Variants in CIITA observed in about 807,000 individuals in gnomAD.
The protein encoded by CIITA is class II major histocompatibility complex transactivator.
CIITA carries 72 observed loss-of-function variants against 115.1 expected under a neutral mutation model. The observed-to-expected ratio is 0.63, with a 90% confidence interval of 0.52 to 0.76. The LOEUF (loss-of-function observed/expected upper bound fraction) is 0.76. Among genes scored for constraint, CIITA ranks in the 30% least tolerant of loss-of-function variants. The pLI is 0.00. For synonymous variants in CIITA, 763 were observed against 635.6 expected (o/e 1.20, Z -3.02); for missense variants, 1,617 against 1,463.8 (o/e 1.10, Z -1.71).
chr16:10,940,023 CT>C (rs1374844591), downstream of CIITA: 6 of 152,274 alleles, frequency 3.9e-5, no homozygotes, highest in East Asian at 5.8e-4. This position sits in a 1 kb window ranked among gnomAD's most constrained non-coding sequence, Gnocchi z 4.2. Flanking sequence ...CACACTCCCC[CT>C]GGCACTTGGT....
At position 10,904,816 on chromosome 16, in the gene CIITA, A is replaced by T; in HGVS notation, c.1006+4A>T. The T allele has an allele frequency of 6.2e-7, 1 of 1,614,130 alleles. No individual in the cohort carries two copies. Among genetic ancestry groups the T allele is most frequent in the Non-Finnish European group, 8.5e-7 (1 of 1,179,964 alleles). On this transcript the variant is annotated splice_donor_region_variant and intron_variant, in intron 10 of 19. Transcript: ENST00000324288. ...AACAAGCTTCCAAAATGGCCTGGTGAGTGATGCGGGATCTCTCTGCCCTGG... is the reference window on the plus strand; with the variant it reads ...AACAAGCTTCCAAAATGGCCTGGTGTGTGATGCGGGATCTCTCTGCCCTGG...
rs45526038 is a variant in CIITA at position 10,924,012 on chromosome 16, C to T, written c.*157C>T. 5.5e-3 allele frequency: 842 copies of T among 153,018 alleles called. 5 individuals carry two copies. The highest frequency in any genetic ancestry group is 8.4e-3 in the Non-Finnish European group (572 of 68,300). The allele number at this position is 153,018 out of a possible 1,614,324, so 9.5% of individuals were successfully genotyped here. A position where few individuals can be genotyped will look rare whatever the true frequency, so the allele number is the denominator to read the frequency against. Reference sequence around the variant, plus strand: ...TGCTGGTTCAGGGTTGGCCCCTGCCCGGCTGCGGAATGAACCACATCTTGC... The same window carrying T: ...TGCTGGTTCAGGGTTGGCCCCTGCCTGGCTGCGGAATGAACCACATCTTGC... On this transcript the variant is annotated 3_prime_UTR_variant, in exon 20 of 20. Transcript: ENST00000324288.
At position 10,903,772 on chromosome 16, in the gene CIITA, TTCACTGTCCACGGC is replaced by T; in HGVS notation, c.815_828del (p.Phe272SerfsTer20). ...CAGCCAAGTACCCCCTCCCAGTGGA[TTCACTGTCCACGGC>T]CTCCCAACATCTCCAGACCGGCCAG... is the stretch of plus-strand genomic sequence containing the variant. On this transcript the variant is annotated frameshift_variant, in exon 9 of 20. Transcript: ENST00000324288. LOFTEE classifies it high-confidence loss of function. The T allele has an allele frequency of 6.2e-7, 1 of 1,614,118 alleles. No homozygotes were observed. The highest frequency in any genetic ancestry group is 8.5e-7 in the Non-Finnish European group (1 of 1,180,034).
intron 11 of CIITA, chr16:10,908,382 C>T: frequency 1.5e-6 from 1 of 666,226 alleles, no homozygotes; most frequent in African/African-American, 1.8e-5. Flanking sequence ...TGAAGGCCCG[C>T]CATGTGCCAG....
At chr16:10,922,598 C>A in intron 18 of CIITA, 108 bp downstream of exon 18, 1 of 1,095,168 alleles carries the variant, frequency 9.1e-7, no homozygotes, top group Non-Finnish European at 1.4e-6. Context: ...AATCTGCAAC[C>A]CTGGGTGAGC....
chr16:10,917,379 GC>G (rs776942349), intron 15 of CIITA, among the ~76,000 whole-genome samples: 5 of 152,084 alleles, frequency 3.3e-5, no homozygotes, highest in Admixed American at 2.6e-4. Flanking sequence ...TCACCACGTT[GC>G]CCAGGCTGGT....
rs1192612718 is a variant in CIITA, at chr16:10,923,269, T to A, written c.3359T>A (p.Leu1120Gln). The A allele has an allele frequency of 6.2e-7, 1 of 1,612,182 alleles. No homozygotes were observed. Residue 1120 changes from leucine (L) to glutamine (Q), a missense_variant, in exon 19 of 20, where the codon CTG (leucine) becomes CAG (glutamine). Transcript: ENST00000324288. The surrounding 1 kb of genome is among the most constrained non-coding windows in gnomAD (Gnocchi z 5.2). ...PTIPFSVQEH[L>Q]QQQDSRISLR ...ATCCCATTCAGTGTCCAGGAACACC[T>A]GCAACAACAGGATTCACGGATCAGC...
chr16:10,907,593 G>A lies in CIITA; in HGVS notation c.2101G>A (p.Ala701Thr). 6.2e-7 allele frequency: 1 copy of A among 1,614,234 alleles called. No homozygotes were observed. Among genetic ancestry groups the A allele is most frequent in the Non-Finnish European group, 8.5e-7 (1 of 1,180,034 alleles). Residue 701 changes from alanine to threonine, a missense_variant, in exon 11 of 20, where the codon GCC becomes ACC. Ala to Thr is a moderately conservative substitution (Grantham distance 58, BLOSUM62 0). Coordinates refer to ENST00000324288, the MANE Select transcript of CIITA (RefSeq NM_000246.4). This position sits in a 1 kb window ranked among gnomAD's most constrained non-coding sequence, Gnocchi z 5.0. ...AKGLVQHPPR[A>T]AESELAFPSF... ...AGGCTTAGTCCAACACCCACCGCGG[G>A]CCGCAGAGTCCGAGCTGGCCTTCCC...
chr16:10,870,696 G>A (rs924814950), intron 1 of CIITA, among the ~76,000 whole-genome samples: 1 of 152,182 alleles, frequency 6.6e-6, no homozygotes, highest in African/African-American at 2.4e-5. Flanking sequence ...TAGACCACTC[G>A]GAATCTCAGT....
At chr16:10,900,246 C>G (rs1056584785) in intron 5 of CIITA, among the ~76,000 whole-genome samples, 1 of 152,180 alleles carries the variant, frequency 6.6e-6, no homozygotes, top group Admixed American at 6.6e-5. Flanking sequence ...ATTTTCCATG[C>G]AAATGACCAC....
At chr16:10,895,155 G>C in intron 1 of CIITA, 127 bp from the exon 2 acceptor site, 1 of 1,076,980 alleles carries the variant, frequency 9.3e-7, no homozygotes, top group Middle Eastern at 2.9e-4. Flanking sequence ...TATAAGAGGT[G>C]CTGAATGAGC....
In CIITA at chr16:10,942,332, A is replaced by G; in HGVS notation, n.1458A>G. On this transcript the variant is annotated non_coding_transcript_exon_variant, in exon 2 of 2. Transcript: ENST00000573379. The surrounding 1 kb of genome is among the most constrained non-coding windows in gnomAD (Gnocchi z 5.0). ...GCCTCGCAGAGCCGGTGGGGATCCC[A>G]CCGCGGCTCAGTGTCTAGGGCCGGT... 1 of 250,594 alleles carries G rather than the reference A, an allele frequency of 4.0e-6. No individual in the cohort carries two copies. The highest frequency in any genetic ancestry group is 7.7e-6 in the Non-Finnish European group (1 of 129,162). 15.5% of individuals were successfully genotyped at this position (250,594 alleles called of 1,614,324 possible). A position where few individuals can be genotyped will look rare whatever the true frequency, so the allele number is the denominator to read the frequency against.
At chr16:10,913,433 G>A in intron 13 of CIITA, 1 of 165,140 alleles carries the variant, frequency 6.1e-6, no homozygotes, top group Non-Finnish European at 1.3e-5. Flanking sequence ...TCTTGCCTCA[G>A]CCTCCCGAGT....
chr16:10,868,939 G>T (rs1384331837), intron 1 of CIITA, among the ~76,000 whole-genome samples: 2 of 152,250 alleles, frequency 1.3e-5, no homozygotes, highest in African/African-American at 4.8e-5. Flanking sequence ...CTCCAGGGCT[G>T]CCAGGCTTGA....
chr16:10,904,836 C>T, intron 10 of CIITA, 24 bp downstream of exon 10: 1 of 1,613,294 alleles, frequency 6.2e-7, no homozygotes, highest in Non-Finnish European at 8.5e-7. Context: ...GATCTCTCTG[C>T]CCTGGGTGGT....
At position 10,923,624 on chromosome 16, in the gene CIITA, C is replaced by T. The variant is rs2040394704; in HGVS notation, c.*23-254C>T. ...TTCCTTTGGGGACTCCAAGCCTTCC[C>T]AGCTGCTGTTTCGGCTTGGTGGCTG... On this transcript the variant is annotated intron_variant, in intron 19 of 19. Coordinates refer to ENST00000324288, the MANE Select transcript of CIITA (RefSeq NM_000246.4). This position sits in a 1 kb window ranked among gnomAD's most constrained non-coding sequence, Gnocchi z 5.2. Among the ~76,000 whole-genome samples, 1 of 152,182 alleles carries T rather than the reference C, an allele frequency of 6.6e-6. No homozygotes were observed. The highest frequency in any genetic ancestry group is 2.1e-4 in the South Asian group (1 of 4,832).
Position 10,877,433 on chromosome 16 carries a change from C to T in CIITA, c.52+51C>T, listed in dbSNP as rs756176366. 1.5e-5 allele frequency: 23 copies of T among 1,562,260 alleles called. No individual in the cohort carries two copies. The Admixed American group carries it at 2.1e-4, about 15-fold the overall frequency. On this transcript the variant is annotated intron_variant, in intron 1 of 19. Transcript: ENST00000324288. Reference sequence around the variant, plus strand: ...ATTTAGCGTGCAGTCTCAGCTGGTCCTGCCATTCCAGATAAACAGAGAAAC... The same window carrying T: ...ATTTAGCGTGCAGTCTCAGCTGGTCTTGCCATTCCAGATAAACAGAGAAAC...
upstream of CIITA, among the ~76,000 whole-genome samples, chr16:10,875,575 A>G (rs1416525478): frequency 2.0e-5 from 3 of 152,198 alleles, no homozygotes; most frequent in African/African-American, 7.2e-5. Context: ...CCTTCATTTC[A>G]GTACCACCTT....
intron 5 of CIITA, among the ~76,000 whole-genome samples, chr16:10,899,652 A>G (rs542488629): frequency 6.6e-6 from 1 of 152,278 alleles, no homozygotes; most frequent in African/African-American, 2.4e-5. Context: ...TTGAATGAAA[A>G]CATCTGTAAA....
Sources: gnomAD v4.1 joint callset for allele counts (sites outside exome capture counted in the v4.1 genomes callset) on GRCh38, gnomAD v4.1.1 for gene constraint, Gnocchi (gnomAD v3.1) non-coding constraint, MANE v1.5 for transcripts, NCBI Gene and HGNC (gene_info 2026-07-23, HGNC 2026-07-21) for gene names.